The following ROBO2 variants were observed in gnomAD, a reference collection of about 807,000 sequenced individuals.
ROBO2 encodes roundabout homolog 2.
Under a neutral mutation model 160.8 loss-of-function variants are expected in ROBO2, and 53 were observed. The observed-to-expected ratio is 0.33, with a 90% CI of 0.26 to 0.41. The LOEUF (loss-of-function observed/expected upper bound fraction) is 0.41. ROBO2 is among the 10% of genes least tolerant of loss of function. The pLI is 1.00. For synonymous variants in ROBO2, 664 were observed against 611.7 expected (o/e 1.09, Z -1.26); for missense variants, 1,577 against 1,722.4 (o/e 0.92, Z 1.49).
intron 2 of ROBO2, chr3:76,311,388 C>A (rs2071575060): frequency 6.6e-6 from 1 of 152,140 alleles, no homozygotes; most frequent in Non-Finnish European, 1.5e-5. Flanking sequence ...CTGACCCGGA[C>A]CCCCTGGAAA....
intron 2 of ROBO2, among the ~76,000 whole-genome samples, chr3:76,617,635 GT>G (rs371722739): frequency 3.3e-5 from 5 of 152,192 alleles, no homozygotes; most frequent in African/African-American, 1.2e-4. Flanking sequence ...AAGCTAGAGA[GT>G]TTTTTTGGTG....
At chr3:77,061,559 G>C (rs745790224) in intron 1 of ROBO2, among the ~76,000 whole-genome samples, 2 of 152,170 alleles carry the variant, frequency 1.3e-5, no homozygotes, top group African/African-American at 2.4e-5. Context: ...TCTTCCTTCT[G>C]TCTGTAGGTC....
At chr3:77,632,829 C>A in intron 23 of ROBO2, 1 of 481,024 alleles carries the variant, frequency 2.1e-6, no homozygotes, top group Non-Finnish European at 3.5e-6. Flanking sequence ...GCTAGTTTTG[C>A]AGAGCCAAGA....
At chr3:76,146,310 G>A (rs1285576611) in intron 2 of ROBO2, among the ~76,000 whole-genome samples, 1 of 151,840 alleles carries the variant, frequency 6.6e-6, no homozygotes, top group Non-Finnish European at 1.5e-5. Context: ...CATCCCTTTT[G>A]TGGCTATTTT....
chr3:76,074,967 A>G, intron 2 of ROBO2, among the ~76,000 whole-genome samples: 1 of 152,196 alleles, frequency 6.6e-6, no homozygotes, highest in East Asian at 1.9e-4. Context: ...TTTCATATTC[A>G]CTAGAAACAT....
chr3:76,632,390 G>C (rs1017181289), intron 2 of ROBO2, among the ~76,000 whole-genome samples: 13 of 152,158 alleles, frequency 8.5e-5, no homozygotes, highest in African/African-American at 2.9e-4. Context: ...CATCAAGGAA[G>C]GGTCTCAAGC....
chr3:77,308,019 C>T (rs2063236713), intron 2 of ROBO2, among the ~76,000 whole-genome samples: 1 of 149,848 alleles, frequency 6.7e-6, no homozygotes, highest in African/African-American at 2.4e-5. Context: ...TGTGAAATTT[C>T]TTCTAGAAAC....
intron 2 of ROBO2, among the ~76,000 whole-genome samples, chr3:77,464,096 A>G (rs193197328): frequency 6.6e-6 from 1 of 152,316 alleles, no homozygotes; most frequent in Non-Finnish European, 1.5e-5. Context: ...TAACAAACCA[A>G]AGACAAAGGC....
intron 2 of ROBO2, among the ~76,000 whole-genome samples, chr3:76,758,922 T>C (rs1185751365): frequency 6.6e-6 from 1 of 151,894 alleles, no homozygotes; most frequent in Non-Finnish European, 1.5e-5. Flanking sequence ...CCACCTCACA[T>C]ACATGAAATT....
At chr3:77,499,208 G>A (rs541999634) in intron 5 of ROBO2, among the ~76,000 whole-genome samples, 5 of 152,246 alleles carry the variant, frequency 3.3e-5, no homozygotes, top group Admixed American at 6.5e-5. Context: ...TTACACTGCC[G>A]TTTTCTGGAA....
chr3:76,695,285 G>A (rs1166151332), intron 2 of ROBO2, among the ~76,000 whole-genome samples: 2 of 152,166 alleles, frequency 1.3e-5, no homozygotes, highest in Non-Finnish European at 2.9e-5. Context: ...TGGGAAGATA[G>A]TGTACAGAGG....
At chr3:76,790,368 C>G (rs1405242335) in intron 2 of ROBO2, among the ~76,000 whole-genome samples, 1 of 151,636 alleles carries the variant, frequency 6.6e-6, no homozygotes, top group Admixed American at 6.6e-5. Context: ...TTTTCAGAAG[C>G]CTTAATGGTG....
chr3:76,693,052 A>G (rs888513818), intron 2 of ROBO2, among the ~76,000 whole-genome samples: 14 of 148,580 alleles, frequency 9.4e-5, no homozygotes, highest in Non-Finnish European at 3.0e-5. Flanking sequence ...CTCTCCCTAT[A>G]TATATAGTGT....
At chr3:76,770,153 A>G (rs1439815413) in intron 2 of ROBO2, among the ~76,000 whole-genome samples, 1 of 151,384 alleles carries the variant, frequency 6.6e-6, no homozygotes, top group East Asian at 2.0e-4. Flanking sequence ...TGAAAAATAA[A>G]TGTCAGGCAT....
At chr3:77,040,099 C>T (rs1190857201) in exon 1 of ROBO2, 1 of 981,250 alleles carries the variant, frequency 1.0e-6, no homozygotes, top group Non-Finnish European at 1.2e-6. Flanking sequence ...TCCCTCACCA[C>T]GTAGGAGTTC....
At chr3:77,025,193 G>A (rs181624465) in intron 2 of ROBO2, among the ~76,000 whole-genome samples, 358 of 152,100 alleles carry the variant, frequency 2.4e-3, no homozygotes, top group Middle Eastern at 0.02. Context: ...TTATTATTAG[G>A]CATTTAAGGT....
chr3:76,615,485 C>A (rs991388327), intron 2 of ROBO2, among the ~76,000 whole-genome samples: 2 of 151,884 alleles, frequency 1.3e-5, no homozygotes, highest in Non-Finnish European at 2.9e-5. Context: ...AGGGGATTAC[C>A]AAGATAGTAT....
intron 2 of ROBO2, among the ~76,000 whole-genome samples, chr3:76,990,692 A>C (rs577559650): frequency 6.6e-5 from 10 of 152,250 alleles, no homozygotes; most frequent in Admixed American, 2.6e-4. Context: ...TAGGGAAAGG[A>C]AAGGCAGTCT....
chr3:77,577,536 C>A (rs569539456), exon 15 of ROBO2: 1 of 1,613,384 alleles, frequency 6.2e-7, no homozygotes, highest in East Asian at 2.2e-5. Flanking sequence ...CAGTTGGAAG[C>A]TACAATAGCA....
Sources: allele counts gnomAD v4.1 joint callset (sites outside exome capture counted in the v4.1 genomes callset), GRCh38; gene constraint gnomAD v4.1.1; transcripts MANE v1.5; gene names NCBI Gene and HGNC (gene_info 2026-07-23, HGNC 2026-07-21).